Variants in ECM2 observed in about 807,000 individuals in gnomAD.
ECM2 encodes extracellular matrix protein 2.
A neutral mutation model predicts 67.5 loss-of-function variants in ECM2; 57 were observed. That is an observed-to-expected ratio of 0.84 (90% CI 0.68 to 1.05). The LOEUF is 1.05. Ranked by LOEUF, ECM2 falls within the 50% of genes least tolerant of loss-of-function variation. The pLI is 0.00. For missense variants in ECM2, 741 were observed against 822.8 expected (o/e 0.90, Z 1.22); for synonymous variants, 258 against 294.5 (o/e 0.88, Z 1.27).
At chr9:92,546,461 C>T in the ECM2 span, among the ~76,000 whole-genome samples, 303 of 152,264 alleles carry the variant, frequency 2.0e-3, 2 homozygotes, top group African/African-American at 6.9e-3. Flanking sequence ...AGCTTCGCTC[C>T]TGAAGCCAGC....
At chr9:92,510,230 G>A (rs1455452332) in intron 5 of ECM2, among the ~76,000 whole-genome samples, 196 bp from the exon 6 acceptor site, 1 of 152,078 alleles carries the variant, frequency 6.6e-6, no homozygotes, top group African/African-American at 2.4e-5. Context: ...TGATTCTCAG[G>A]GATTTTCAGC....
chr9:92,533,324 AAAAAATAT>A (rs1221977411), intron 1 of ECM2, among the ~76,000 whole-genome samples: 323 of 83,200 alleles, frequency 3.9e-3, no homozygotes, highest in Non-Finnish European at 5.6e-3. Flanking sequence ...AAAAAAAAAA[AAAAAATAT>A]ATATATATAT....
chr9:92,558,831 A>C, the ECM2 span, among the ~76,000 whole-genome samples: 1 of 151,956 alleles, frequency 6.6e-6, no homozygotes, highest in Non-Finnish European at 1.5e-5. Flanking sequence ...GGATGGGGTG[A>C]GATTCCCAGG....
At chr9:92,546,612 A>G in the ECM2 span, among the ~76,000 whole-genome samples, 1 of 152,092 alleles carries the variant, frequency 6.6e-6, no homozygotes, top group Non-Finnish European at 1.5e-5. Flanking sequence ...CTCCGAACAC[A>G]CTGGAACACC....
rs1473383900 is a variant in ECM2, at chr9:92,522,579, T to C, written c.288A>G (p.Leu96=). 6.2e-7 allele frequency: 1 copy of C among 1,608,492 alleles called. No homozygotes were observed. Among genetic ancestry groups the C allele is most frequent in the African/African-American group, 1.3e-5 (1 of 74,774 alleles). Residue 96 remains leucine, a synonymous_variant, in exon 2 of 10, where the codon TTA becomes TTG. Transcript: ENST00000344604. Reference sequence around the variant, plus strand: ...TCTCTCATAGTGTTCTCTTACCTGGTAACACATTATAACTTGATTCTACTC... The same window carrying C: ...TCTCTCATAGTGTTCTCTTACCTGGCAACACATTATAACTTGATTCTACTC... ...FPGVESSYNV[L]PGKKGHCLVK...
chr9:92,545,538 C>T, the ECM2 span, among the ~76,000 whole-genome samples: 1 of 151,702 alleles, frequency 6.6e-6, no homozygotes, highest in Non-Finnish European at 1.5e-5. Context: ...CCCGCCCCGC[C>T]GGGCCCCTTC....
intron 8 of ECM2, among the ~76,000 whole-genome samples, chr9:92,501,731 A>G (rs1180894771): frequency 2.6e-5 from 4 of 152,154 alleles, no homozygotes; most frequent in East Asian, 1.9e-4. Flanking sequence ...GCTGAGCCCA[A>G]TTGGCCTCTC....
chr9:92,529,437 C>G (rs568261565), intron 1 of ECM2, among the ~76,000 whole-genome samples: 195 of 152,212 alleles, frequency 1.3e-3, no homozygotes, highest in Non-Finnish European at 1.9e-3. Flanking sequence ...CCATACAACC[C>G]AGCAATCGTG....
rs545797688 is a variant in ECM2, at chr9:92,495,537, T to C, written c.*778A>G. 2.0e-6 allele frequency: 2 copies of C among 981,962 alleles called. No homozygotes were observed. 60.8% of individuals were successfully genotyped at this position (981,962 alleles called of 1,614,324 possible). On this transcript the variant is annotated 3_prime_UTR_variant, in exon 10 of 10. Coordinates refer to ENST00000344604, the MANE Select transcript of ECM2 (RefSeq NM_001393.4). The stretch of plus-strand genomic sequence containing the variant: ...ATTAATTTGTATTTTAAGCAAACTC[T>C]ACTGCTTTTCAAAAAATGTCTTAAT...
the ECM2 span, among the ~76,000 whole-genome samples, chr9:92,556,233 C>T: frequency 6.6e-6 from 1 of 152,050 alleles, no homozygotes; most frequent in African/African-American, 2.4e-5. Context: ...CAGTTTTATT[C>T]CACTGTGGTC....
chr9:92,496,202 A>G lies in ECM2; in HGVS notation c.*113T>C. On this transcript the variant is annotated 3_prime_UTR_variant, in exon 10 of 10. Transcript: ENST00000344604. The stretch of plus-strand genomic sequence containing the variant: ...TGTGTGTTAGTGAATCAGGTTGACT[A>G]GCATATAATGATACTGAGTATAACA... 1 of 1,432,904 alleles carries G rather than the reference A, an allele frequency of 7.0e-7. No individual in the cohort carries two copies. The highest frequency in any genetic ancestry group is 9.1e-7 in the Non-Finnish European group (1 of 1,102,198). The allele number at this position is 1,432,904 out of a possible 1,614,324, so 88.8% of individuals were successfully genotyped here. A position where few individuals can be genotyped will look rare whatever the true frequency, so the allele number is the denominator to read the frequency against.
downstream of ECM2, chr9:92,495,211 C>T (rs1846289907): frequency 2.6e-5 from 12 of 469,856 alleles, no homozygotes; most frequent in Non-Finnish European, 3.3e-5. Context: ...AACACTGGCA[C>T]TTAAGTTCCT....
At chr9:92,552,026 CTATCATATATGTGATATTAT>C in the ECM2 span, among the ~76,000 whole-genome samples, 3 of 88,802 alleles carry the variant, frequency 3.4e-5, no homozygotes, top group African/African-American at 2.0e-4. Context: ...TATGATAGAT[CTATCATATATGTGATATTAT>C]AGGTCTATCA....
intron 3 of ECM2, 26 bp downstream of exon 3, chr9:92,517,661 T>C: frequency 6.2e-7 from 1 of 1,613,276 alleles, no homozygotes; most frequent in Non-Finnish European, 8.5e-7. Flanking sequence ...CACACACTGA[T>C]ATTTTGCTTA....
chr9:92,533,027 G>A (rs758011626), intron 1 of ECM2, among the ~76,000 whole-genome samples: 2 of 151,820 alleles, frequency 1.3e-5, no homozygotes, highest in African/African-American at 2.4e-5. Flanking sequence ...GGCTGGGTGC[G>A]GTGGCTCAAG....
chr9:92,544,860 C>T, the ECM2 span, among the ~76,000 whole-genome samples: 4 of 151,858 alleles, frequency 2.6e-5, no homozygotes, highest in East Asian at 3.9e-4. Context: ...GGAGTACAGG[C>T]GCATGCCACC....
chr9:92,521,008 G>A (rs1172899531), intron 2 of ECM2, among the ~76,000 whole-genome samples: 1 of 152,212 alleles, frequency 6.6e-6, no homozygotes, highest in Non-Finnish European at 1.5e-5. Flanking sequence ...GGACGAAAAT[G>A]TGCAGAAACA....
chr9:92,547,533 C>T, the ECM2 span, among the ~76,000 whole-genome samples: 1 of 152,224 alleles, frequency 6.6e-6, no homozygotes, highest in Non-Finnish European at 1.5e-5. Context: ...ACCTCAAAAA[C>T]ATTACGTGCA....
chr9:92,507,724 A>C (rs771282773), intron 6 of ECM2, among the ~76,000 whole-genome samples: 3 of 152,184 alleles, frequency 2.0e-5, no homozygotes, highest in Non-Finnish European at 4.4e-5. Context: ...AGTGACAACA[A>C]AAATGCTTTT....
Sources: gnomAD v4.1 joint callset for allele counts (sites outside exome capture counted in the v4.1 genomes callset) on GRCh38, gnomAD v4.1.1 for gene constraint, MANE v1.5 for transcripts, NCBI Gene and HGNC (gene_info 2026-07-23, HGNC 2026-07-21) for gene names.